AMMECR1: variants seen among roughly 807,000 people sequenced by gnomAD.
The protein encoded by AMMECR1 is nuclear protein AMMECR1.
Under a neutral mutation model 22.5 loss-of-function variants are expected in AMMECR1, and 3 were observed. That is an observed-to-expected ratio of 0.13 (90% CI 0.06 to 0.35). AMMECR1 has a LOEUF of 0.35. Among genes scored for constraint, AMMECR1 ranks in the 10% least tolerant of loss-of-function variants. AMMECR1 has a pLI of 1.00. For synonymous variants in AMMECR1, 130 were observed against 116.7 expected (o/e 1.11, Z -0.74); for missense variants, 235 against 278.7 (o/e 0.84, Z 1.12).
rs189357679 is a variant in AMMECR1 at position 110,238,737 on chromosome X, C to T, written c.585-22105G>A. On this transcript the variant is annotated intron_variant, in intron 2 of 5. Coordinates refer to ENST00000262844, the MANE Select transcript of AMMECR1 (RefSeq NM_015365.3). ...CCTCCTCAAGTGGGTCCCTGACCCCCGTGCCTCCTGACTGGGAGACACCTC... is the reference window on the plus strand; with the variant it reads ...CCTCCTCAAGTGGGTCCCTGACCCCTGTGCCTCCTGACTGGGAGACACCTC... Among the ~76,000 whole-genome samples the T allele has an allele frequency of 3.8e-3, 428 of 112,373 alleles. 2 individuals are homozygous for T. The highest frequency in any genetic ancestry group is 0.013 in the African/African-American group (411 of 30,978).
intron 2 of AMMECR1, among the ~76,000 whole-genome samples, chrX:110,323,484 A>C (rs1169317171): frequency 8.9e-6 from 1 of 111,981 alleles, no homozygotes; most frequent in African/African-American, 3.2e-5. Context: ...TGAGCATTTC[A>C]TATACATGGA....
intron 1 of AMMECR1, among the ~76,000 whole-genome samples, chrX:110,265,750 CA>C (rs1455554251): frequency 2.5e-4 from 28 of 111,575 alleles, no homozygotes; most frequent in Non-Finnish European, 5.1e-4. Context: ...GGGGATATAC[CA>C]TATGTTTTTT....
intron 1 of AMMECR1, among the ~76,000 whole-genome samples, chrX:110,313,414 G>A (rs892670380): frequency 1.8e-5 from 2 of 112,117 alleles, no homozygotes; most frequent in African/African-American, 3.2e-5. Context: ...AACGTGACAC[G>A]CAGCAGCATT....
intron 2 of AMMECR1, among the ~76,000 whole-genome samples, chrX:110,356,150 C>CTT (rs1288370078): frequency 2.2e-4 from 19 of 88,143 alleles, no homozygotes; most frequent in East Asian, 3.4e-4. Context: ...GAGGCATAAC[C>CTT]TTTTTTTTTT....
chrX:110,378,918 C>T (rs1455574900), intron 2 of AMMECR1, among the ~76,000 whole-genome samples: 1 of 110,165 alleles, frequency 9.1e-6, no homozygotes, highest in Non-Finnish European at 1.9e-5. Flanking sequence ...TGCTGGACAC[C>T]CGTCCACCCC....
chrX:110,260,463 A>C (rs368031705), intron 2 of AMMECR1, among the ~76,000 whole-genome samples: 1 of 111,169 alleles, frequency 9.0e-6, no homozygotes, highest in East Asian at 2.8e-4. Flanking sequence ...CATTTCATTT[A>C]AAAAATACCC....
intron 2 of AMMECR1, among the ~76,000 whole-genome samples, chrX:110,418,699 G>A (rs1269333346): frequency 9.0e-6 from 1 of 111,710 alleles, no homozygotes; most frequent in East Asian, 2.8e-4. Context: ...TGGGATCAGA[G>A]ACAGCGCATG....
intron 2 of AMMECR1, among the ~76,000 whole-genome samples, chrX:110,396,654 CCT>C (rs2068530934): frequency 8.9e-6 from 1 of 112,100 alleles, no homozygotes; most frequent in South Asian, 3.7e-4. Flanking sequence ...TTCCCCTCTC[CCT>C]GTTTTACAAA....
At chrX:110,298,421 A>G (rs753496185) in intron 1 of AMMECR1, among the ~76,000 whole-genome samples, 6 of 111,598 alleles carry the variant, frequency 5.4e-5, no homozygotes, top group Non-Finnish European at 9.4e-5. Flanking sequence ...TGTTAAACCT[A>G]TTACAAGTGG....
intron 1 of AMMECR1, among the ~76,000 whole-genome samples, chrX:110,301,779 A>T (rs767422669): frequency 8.9e-5 from 10 of 111,874 alleles, no homozygotes; most frequent in African/African-American, 3.2e-4. Flanking sequence ...ATGCACTTAT[A>T]CAAATCTTTG....
At chrX:110,229,781 A>G (rs934038192) in intron 2 of AMMECR1, among the ~76,000 whole-genome samples, 1 of 112,106 alleles carries the variant, frequency 8.9e-6, no homozygotes, top group Admixed American at 9.4e-5. Flanking sequence ...ACTACCTGGA[A>G]AAGCGGGACA....
chrX:110,314,365 A>G (rs1198373503), intron 1 of AMMECR1, among the ~76,000 whole-genome samples: 3 of 111,903 alleles, frequency 2.7e-5, no homozygotes, highest in Non-Finnish European at 5.6e-5. Context: ...CTCAAGAGAA[A>G]GATTCAGTAG....
intron 2 of AMMECR1, among the ~76,000 whole-genome samples, chrX:110,242,929 A>G (rs1175416170): frequency 8.9e-6 from 1 of 112,410 alleles, no homozygotes; most frequent in Non-Finnish European, 1.9e-5. Flanking sequence ...GTATATTAGC[A>G]TTAAAATACA....
intron 2 of AMMECR1, among the ~76,000 whole-genome samples, chrX:110,406,676 C>T (rs189733443): frequency 1.3e-4 from 15 of 112,070 alleles, no homozygotes; most frequent in Non-Finnish European, 1.7e-4. Context: ...CTTGAAGAAT[C>T]TCCAGTGTCT....
chrX:110,216,755 C>T, intron 2 of AMMECR1, 123 bp from the exon 3 acceptor site: 1 of 425,851 alleles, frequency 2.3e-6, no homozygotes, highest in Non-Finnish European at 4.1e-6. Flanking sequence ...TCAAAGGTAC[C>T]AACAAGCTTC....
intron 2 of AMMECR1, among the ~76,000 whole-genome samples, chrX:110,367,058 T>A (rs1376426507): frequency 8.9e-6 from 1 of 112,133 alleles, no homozygotes; most frequent in Non-Finnish European, 1.9e-5. Flanking sequence ...CCTTCCCTCT[T>A]GTCACTGTGA....
In AMMECR1 at chrX:110,313,477, T is replaced by C. The variant is rs529090680; in HGVS notation, c.473+4122A>G. On this transcript the variant is annotated intron_variant, in intron 1 of 5. Coordinates refer to ENST00000262844, the MANE Select transcript of AMMECR1 (RefSeq NM_015365.3). ...GCCTTAGCAGAATCCTTTCATATTTTTGTTACAGAGGGAAAGTCTTAAAAT... is the reference window on the plus strand; with the variant it reads ...GCCTTAGCAGAATCCTTTCATATTTCTGTTACAGAGGGAAAGTCTTAAAAT... Among the ~76,000 whole-genome samples the C allele has an allele frequency of 2.1e-4, 23 of 111,987 alleles. No homozygotes were observed. The South Asian group carries it at 8.5e-3, about 42-fold the overall frequency.
At chrX:110,292,633 T>G (rs1234779903) in intron 1 of AMMECR1, among the ~76,000 whole-genome samples, 2 of 112,371 alleles carry the variant, frequency 1.8e-5, no homozygotes, top group Admixed American at 1.9e-4. Flanking sequence ...CACTGTATGA[T>G]TCCAACGATG....
chrX:110,275,069 T>C (rs1284700755), intron 1 of AMMECR1, among the ~76,000 whole-genome samples: 1 of 111,727 alleles, frequency 9.0e-6, no homozygotes, highest in Non-Finnish European at 1.9e-5. Context: ...AGATTATTAA[T>C]TTTCCTTTAA....
Sources: gnomAD v4.1 joint callset for allele counts (sites outside exome capture counted in the v4.1 genomes callset) on GRCh38, gnomAD v4.1.1 for gene constraint, MANE v1.5 for transcripts, NCBI Gene and HGNC (gene_info 2026-07-23, HGNC 2026-07-21) for gene names.